ZNF33B: variants seen among roughly 807,000 people sequenced by gnomAD.
The protein encoded by ZNF33B is zinc finger protein 11b (KOX 2).
In ZNF33B, 29 loss-of-function variants were observed where a neutral mutation model predicts 45.8. The observed-to-expected ratio is 0.63, with a 90% CI of 0.47 to 0.86. The LOEUF (loss-of-function observed/expected upper bound fraction) is 0.86, where lower values mean the gene tolerates loss of function less well. Among genes scored for constraint, ZNF33B ranks in the 40% least tolerant of loss-of-function variants. The probability of loss-of-function intolerance (pLI) is 0.00; values close to 1 mark genes in which losing one functional copy is unlikely to be tolerated. For synonymous variants in ZNF33B, 305 were observed against 307.8 expected, an observed-to-expected ratio of 0.99 and a Z score of 0.10; for missense variants, 831 against 909.9, an observed-to-expected ratio of 0.91 and a Z score of 1.12.
At position 42,592,547 on chromosome 10, in the gene ZNF33B, C is replaced by T. The variant is rs575534273; in HGVS notation, c.*66G>A. ...ATTCAGGATGTCAACAGGCCCTTCT[C>T]CACAGTGTGAAGACTCTGAGGCATT... is the stretch of plus-strand genomic sequence containing the variant. On this transcript the variant is annotated 3_prime_UTR_variant, in exon 5 of 5. Transcript: ENST00000359467. The T allele has an allele frequency of 3.9e-6, 6 of 1,544,088 alleles. No homozygotes were observed. The South Asian group carries it at 6.4e-5, about 16-fold the overall frequency.
intron 1 of ZNF33B, among the ~76,000 whole-genome samples, chr10:42,637,517 GC>G (rs1223015489): frequency 6.6e-6 from 1 of 152,164 alleles, no homozygotes; most frequent in African/African-American, 2.4e-5. Context: ...AGTAGTACTG[GC>G]TTAGGGGTCA....
intron 4 of ZNF33B, among the ~76,000 whole-genome samples, chr10:42,599,114 T>C (rs209374): frequency 0.9 from 136,905 of 152,140 alleles, 61,852 homozygotes; most frequent in East Asian, 0.97. Flanking sequence ...AAACTGATAA[T>C]TTACAGGTAT....
At chr10:42,622,347 C>T (rs1042827402) in intron 4 of ZNF33B, among the ~76,000 whole-genome samples, 4 of 152,216 alleles carry the variant, frequency 2.6e-5, no homozygotes, top group Admixed American at 1.3e-4. Context: ...CTTAAAGTCA[C>T]GTGGAATTAT....
rs375759711 is a variant in ZNF33B at position 42,602,872 on chromosome 10, T to A, written c.251-8173A>T. Among the ~76,000 whole-genome samples the A allele has an allele frequency of 1.4e-4, 21 of 151,898 alleles. No individual in the cohort carries two copies. The South Asian group carries it at 4.4e-3, about 32-fold the overall frequency. On this transcript the variant is annotated intron_variant, in intron 4 of 4. Transcript: ENST00000359467. The stretch of plus-strand genomic sequence containing the variant: ...TCATATACATGAGCTGATTAGTACT[T>A]TGCTGAACATTCATGGAGGCCCCTT...
chr10:42,607,159 G>C (rs964712208), intron 4 of ZNF33B, among the ~76,000 whole-genome samples: 1 of 152,028 alleles, frequency 6.6e-6, no homozygotes, highest in Non-Finnish European at 1.5e-5. Context: ...CTATATATAG[G>C]TAATGTTTCT....
chr10:42,626,931 T>C (rs991565272), intron 4 of ZNF33B, among the ~76,000 whole-genome samples: 1 of 152,118 alleles, frequency 6.6e-6, no homozygotes, highest in Non-Finnish European at 1.5e-5. Flanking sequence ...ATTCAAATTA[T>C]CTATATCACC....
At chr10:42,586,636 C>A (rs777017662), downstream of ZNF33B, among the ~76,000 whole-genome samples, 3 of 152,236 alleles carry the variant, frequency 2.0e-5, no homozygotes, top group Non-Finnish European at 4.4e-5. Context: ...CAAACACACA[C>A]ACACAGTCAT....
At chr10:42,598,431 A>T (rs1387656056) in intron 4 of ZNF33B, among the ~76,000 whole-genome samples, 1 of 152,240 alleles carries the variant, frequency 6.6e-6, no homozygotes, top group Non-Finnish European at 1.5e-5. Flanking sequence ...CCACCCACAC[A>T]CAATTCCAGA....
intron 2 of ZNF33B, among the ~76,000 whole-genome samples, chr10:42,634,997 A>G (rs1839222239): frequency 2.0e-5 from 3 of 152,254 alleles, no homozygotes; most frequent in African/African-American, 4.8e-5. Flanking sequence ...CTGTAATCCC[A>G]GCATTTTGGG....
At chr10:42,614,925 C>T (rs1838249543) in intron 4 of ZNF33B, among the ~76,000 whole-genome samples, 1 of 151,888 alleles carries the variant, frequency 6.6e-6, no homozygotes, top group African/African-American at 2.4e-5. Context: ...TGTACCCCAG[C>T]CTGGGCAACA....
At chr10:42,613,835 A>G (rs558907655) in intron 4 of ZNF33B, among the ~76,000 whole-genome samples, 1 of 152,222 alleles carries the variant, frequency 6.6e-6, no homozygotes, top group Non-Finnish European at 1.5e-5. Flanking sequence ...GCACACCATT[A>G]GCCCCTATCT....
chr10:42,610,706 T>A (rs1309702425), intron 4 of ZNF33B, among the ~76,000 whole-genome samples: 1 of 152,220 alleles, frequency 6.6e-6, no homozygotes, highest in Non-Finnish European at 1.5e-5. Context: ...ATTGCATTCA[T>A]ATGGTTAAGA....
intron 4 of ZNF33B, among the ~76,000 whole-genome samples, chr10:42,596,288 T>C (rs370593406): frequency 6.6e-6 from 1 of 151,978 alleles, no homozygotes; most frequent in Non-Finnish European, 1.5e-5. Context: ...CATATCTTAA[T>C]AAAACTACTA....
intron 4 of ZNF33B, among the ~76,000 whole-genome samples, chr10:42,616,158 G>A (rs976287596): frequency 4.0e-5 from 6 of 151,434 alleles, no homozygotes; most frequent in East Asian, 2.0e-4. Flanking sequence ...GCTTGAATCC[G>A]GGAGGCAGAG....
intron 1 of ZNF33B, chr10:42,582,312 G>A (rs1194399298): frequency 2.0e-5 from 3 of 152,194 alleles, no homozygotes; most frequent in African/African-American, 7.2e-5. Flanking sequence ...AGTAAGTACT[G>A]GTAATTAGTG....
In ZNF33B at chr10:42,593,994, A is replaced by G. The variant is rs912942752; in HGVS notation, c.956T>C (p.Leu319Pro). 6.2e-7 allele frequency: 1 copy of G among 1,614,070 alleles called. No homozygotes were observed. Among genetic ancestry groups the G allele is most frequent in the African/African-American group, 1.3e-5 (1 of 75,040 alleles). The change falls in exon 5 of 5, where the codon CTT (leucine) becomes CCT (proline). Residue 319 changes from leucine to proline, a missense_variant. Physicochemically the swap from Leu to Pro is moderately conservative, Grantham distance 98. Transcript: ENST00000359467. Reference protein sequence around the residue: ...NFRRKLCLSQLQKGDKGEKHF... With the variant: ...NFRRKLCLSQPQKGDKGEKHF... ...TTTCTCTCCTTTATCACCTTTCTGAAGCTGTGACAGACACAATTTCCTCCT... is the reference window on the plus strand; with the variant it reads ...TTTCTCTCCTTTATCACCTTTCTGAGGCTGTGACAGACACAATTTCCTCCT...
At chr10:42,598,607 A>C (rs1455877440) in intron 4 of ZNF33B, among the ~76,000 whole-genome samples, 1 of 152,224 alleles carries the variant, frequency 6.6e-6, no homozygotes. Flanking sequence ...GCAGGGCATT[A>C]AGTGAAGTAC....
rs1487360476 is a variant in ZNF33B, at chr10:42,594,497, A to AGT, written c.451_452dup (p.Val152LeufsTer10). The AGT allele has an allele frequency of 6.2e-7, 1 of 1,612,970 alleles. No individual in the cohort carries two copies. Among genetic ancestry groups the AGT allele is most frequent in the East Asian group, 2.2e-5 (1 of 44,842 alleles). ...TCTTACTGATAACCAATTCTGAAAC[A>AGT]GTGTTGAAACTCATTCCACGTGAGT... On this transcript the variant is annotated frameshift_variant, in exon 5 of 5. Transcript: ENST00000359467. LOFTEE classifies it low-confidence loss of function (END_TRUNC).
At chr10:42,575,746 T>TTC (rs1370494600) in intron 1 of ZNF33B, among the ~76,000 whole-genome samples, 9 of 150,090 alleles carry the variant, frequency 6.0e-5, no homozygotes, top group African/African-American at 2.2e-4. Flanking sequence ...ATTTTTTTTT[T>TTC]TTGAGACAGA....
Sources: allele counts gnomAD v4.1 joint callset (sites outside exome capture counted in the v4.1 genomes callset), GRCh38; gene constraint gnomAD v4.1.1; transcripts MANE v1.5; gene names NCBI Gene and HGNC (gene_info 2026-07-23, HGNC 2026-07-21).